The following PHC2 variants were observed in gnomAD, a reference collection of about 807,000 sequenced individuals.
The protein encoded by PHC2 is polyhomeotic homolog 2.
A neutral mutation model predicts 87.4 loss-of-function variants in PHC2; 29 were observed. The ratio of observed to expected loss-of-function variants is 0.33; its 90% CI spans 0.25 to 0.45. The LOEUF (loss-of-function observed/expected upper bound fraction) is 0.45, where lower values mean the gene tolerates loss of function less well. Ranked by LOEUF, PHC2 falls within the 20% of genes least tolerant of loss-of-function variation. PHC2 has a pLI of 1.00. For synonymous variants in PHC2, 438 were observed against 461.7 expected (o/e 0.95, Z 0.66); for missense variants, 857 against 1,136.7 (o/e 0.75, Z 3.54).
At chr1:33,348,960 G>T in intron 9 of PHC2, 3 of 641,618 alleles carry the variant, frequency 4.7e-6, no homozygotes, top group Non-Finnish European at 5.8e-6. Context: ...ACCTGACCTT[G>T]GGCCAATTAT....
At chr1:33,430,541 G>A (rs1414865254) in intron 1 of PHC2, among the ~76,000 whole-genome samples, 1 of 152,102 alleles carries the variant, frequency 6.6e-6, no homozygotes, top group Non-Finnish European at 1.5e-5. Context: ...GGCCGCGCAA[G>A]ACCACGGGCT....
At chr1:33,365,905 G>T (rs1331628261) in intron 7 of PHC2, among the ~76,000 whole-genome samples, 3 of 152,186 alleles carry the variant, frequency 2.0e-5, no homozygotes, top group African/African-American at 7.2e-5. Flanking sequence ...GTGCCGCAAG[G>T]CTCATGTGCC....
intron 7 of PHC2, among the ~76,000 whole-genome samples, chr1:33,358,289 T>C (rs1016656573): frequency 6.6e-6 from 1 of 152,090 alleles, no homozygotes; most frequent in African/African-American, 2.4e-5. Flanking sequence ...TCCTCTCCTA[T>C]CCCATTCCCT....
chr1:33,363,646 A>C, intron 7 of PHC2: 1 of 590,434 alleles, frequency 1.7e-6, no homozygotes. Flanking sequence ...CTGGAGGCCC[A>C]ACTGGGTGAA....
rs1461460647 is a variant in PHC2, at chr1:33,370,485, A to G, written c.512T>C (p.Leu171Ser). The stretch of plus-strand genomic sequence containing the variant: ...CAGGGCTGGGGAAGACGTGTTGCCC[A>G]AGAGCACAGCCTGCTGAGCGATGCC... The part of the protein sequence containing the change: ...ASGIAQQAVL[L>S]GNTSSPALTA... The change falls in exon 5 of 15, where the codon TTG becomes TCG. Residue 171 changes from leucine (L) to serine (S), a missense_variant. Leu to Ser is a moderately radical substitution (Grantham distance 145). Around this residue, in one of 3 missense-constraint regions of PHC2, gnomAD observed 832 missense variants for 1,081.8 expected, o/e 0.77. Transcript: ENST00000683057. 3.1e-6 allele frequency: 5 copies of G among 1,614,160 alleles called. No individual in the cohort carries two copies. Among genetic ancestry groups the G allele is most frequent in the Non-Finnish European group, 4.2e-6 (5 of 1,180,016 alleles).
chr1:33,338,727 C>T (rs1646688558), intron 9 of PHC2, among the ~76,000 whole-genome samples: 1 of 152,212 alleles, frequency 6.6e-6, no homozygotes, highest in Non-Finnish European at 1.5e-5. Context: ...TACTCAATTC[C>T]CTTGACCAGT....
intron 7 of PHC2, among the ~76,000 whole-genome samples, chr1:33,356,295 T>TA (rs1647084160): frequency 1.2e-4 from 10 of 83,514 alleles, no homozygotes; most frequent in Admixed American, 3.4e-4. Flanking sequence ...ATATATATAT[T>TA]TATTTATTTA....
In PHC2 at chr1:33,332,517, C is replaced by T. The variant is rs772517667; in HGVS notation, c.1762-113G>A. On this transcript the variant is annotated intron_variant, in intron 10 of 14. Transcript: ENST00000683057. This position sits in a 1 kb window ranked among gnomAD's most constrained non-coding sequence, Gnocchi z 4.2. ...TATCCAGGCACAGAGGCCAGCCCTC[C>T]TCAAACCTTCCCCCATGTCATCATC... 3 of 1,247,164 alleles carry T rather than the reference C, an allele frequency of 2.4e-6. No individual in the cohort carries two copies. In the South Asian group the frequency reaches 3.9e-5, roughly 16 times the overall value. 77.3% of individuals were successfully genotyped at this position (1,247,164 alleles called of 1,614,324 possible). A position where few individuals can be genotyped will look rare whatever the true frequency, so the allele number is the denominator to read the frequency against.
At chr1:33,396,481 T>A in intron 1 of PHC2, among the ~76,000 whole-genome samples, 1 of 152,242 alleles carries the variant, frequency 6.6e-6, no homozygotes, top group Non-Finnish European at 1.5e-5. Context: ...TCAGAATGAA[T>A]TTCATTACCA....
At position 33,331,064 on chromosome 1, in the gene PHC2, A is replaced by T. The variant is rs1646484439; in HGVS notation, c.2006+284T>A. Among the ~76,000 whole-genome samples, 5 of 152,276 alleles carry T rather than the reference A, an allele frequency of 3.3e-5. No individual in the cohort carries two copies. In the South Asian group the frequency reaches 1.0e-3, roughly 32 times the overall value. On this transcript the variant is annotated intron_variant, in intron 12 of 14. Coordinates refer to ENST00000683057, the MANE Select transcript of PHC2 (RefSeq NM_001385109.1). The surrounding 1 kb of genome is among the most constrained non-coding windows in gnomAD (Gnocchi z 5.2). ...TTACCCTAACAAGGCAGGGGCTGTC[A>T]ATGCTAGGAAAGGCGAATGGGTGCC...
intron 1 of PHC2, among the ~76,000 whole-genome samples, chr1:33,419,261 G>A (rs1330111296): frequency 6.6e-6 from 1 of 152,194 alleles, no homozygotes; most frequent in Non-Finnish European, 1.5e-5. Context: ...GAGCTAAGCA[G>A]TATGATAAGT....
rs754219030 is a variant in PHC2 at position 33,382,237 on chromosome 1, C to T, written c.-54-6644G>A. Reference sequence around the variant, plus strand: ...TCTCCCCCTTCACACCTTCCTTCCGCTCAAAGTTCTGGCTGCTGGAGAGTA... The same window carrying T: ...TCTCCCCCTTCACACCTTCCTTCCGTTCAAAGTTCTGGCTGCTGGAGAGTA... On this transcript the variant is annotated intron_variant, in intron 1 of 14. Coordinates refer to ENST00000683057, the MANE Select transcript of PHC2 (RefSeq NM_001385109.1). The surrounding 1 kb of genome is among the most constrained non-coding windows in gnomAD (Gnocchi z 4.3). Among the ~76,000 whole-genome samples the T allele has an allele frequency of 6.6e-6, 1 of 152,122 alleles. No individual in the cohort carries two copies. The highest frequency in any genetic ancestry group is 1.5e-5 in the Non-Finnish European group (1 of 68,026).
intron 14 of PHC2, among the ~76,000 whole-genome samples, chr1:33,328,132 G>A (rs1013317266): frequency 2.0e-5 from 3 of 152,146 alleles, no homozygotes; most frequent in African/African-American, 7.2e-5. Flanking sequence ...CAGAAAAACA[G>A]TAATGCATCC....
At chr1:33,406,752 TG>T in intron 1 of PHC2, among the ~76,000 whole-genome samples, 1 of 152,304 alleles carries the variant, frequency 6.6e-6, no homozygotes, top group South Asian at 2.1e-4. Context: ...TCCTTCTGCC[TG>T]GGTCTACTTG....
At chr1:33,355,340 A>G in intron 7 of PHC2, 87 bp from the exon 8 acceptor site, 1 of 1,231,932 alleles carries the variant, frequency 8.1e-7, no homozygotes, top group Non-Finnish European at 1.1e-6. Flanking sequence ...GCATCCAAAT[A>G]AAAATGGCTT....
intron 1 of PHC2, among the ~76,000 whole-genome samples, chr1:33,410,044 G>T (rs1186575395): frequency 2.0e-5 from 3 of 152,142 alleles, no homozygotes; most frequent in Non-Finnish European, 4.4e-5. Context: ...GGTCAATAAG[G>T]CTTAATTGCC....
rs1312956109 is a variant in PHC2, at chr1:33,382,065, G to T, written c.-54-6472C>A. Reference sequence around the variant, plus strand: ...TGCCCTGCAGAGAAACCAGAAGCTAGGGTCCTGCCATATGTCACTTTATTG... The same window carrying T: ...TGCCCTGCAGAGAAACCAGAAGCTATGGTCCTGCCATATGTCACTTTATTG... On this transcript the variant is annotated intron_variant, in intron 1 of 14. Transcript: ENST00000683057. The surrounding 1 kb of genome is among the most constrained non-coding windows in gnomAD (Gnocchi z 4.3). 6.6e-6 allele frequency among the ~76,000 whole-genome samples: 1 copy of T among 152,124 alleles called. No individual in the cohort carries two copies. The highest frequency in any genetic ancestry group is 2.4e-5 in the African/African-American group (1 of 41,414).
chr1:33,376,398 A>G (rs1479709692), intron 1 of PHC2, among the ~76,000 whole-genome samples: 1 of 152,222 alleles, frequency 6.6e-6, no homozygotes, highest in Non-Finnish European at 1.5e-5. Flanking sequence ...TTGGTTCACT[A>G]GGTGAGATTT....
chr1:33,355,499 A>C (rs888629282), intron 7 of PHC2, among the ~76,000 whole-genome samples: 1 of 152,110 alleles, frequency 6.6e-6, no homozygotes, highest in African/African-American at 2.4e-5. Context: ...CCCCATCCCC[A>C]AAGCTCAACT....
Sources: gnomAD v4.1 joint callset for allele counts (sites outside exome capture counted in the v4.1 genomes callset) on GRCh38, gnomAD v4.1.1 for gene constraint, gnomAD v4.1.1 regional missense constraint, Gnocchi (gnomAD v3.1) non-coding constraint, MANE v1.5 for transcripts, NCBI Gene and HGNC (gene_info 2026-07-23, HGNC 2026-07-21) for gene names.